The following DIS3L2 variants were observed in gnomAD, a reference collection of about 807,000 sequenced individuals.
The protein encoded by DIS3L2 is DIS3-like exonuclease 2.
In DIS3L2, 34 loss-of-function variants were observed where a neutral mutation model predicts 97.5. The observed-to-expected ratio is 0.35, with a 90% CI of 0.27 to 0.46. DIS3L2 has a LOEUF of 0.46. Among genes scored for constraint, DIS3L2 ranks in the 20% least tolerant of loss-of-function variants. The pLI is 1.00. For missense variants in DIS3L2, 1,038 were observed against 1,146.0 expected, an observed-to-expected ratio of 0.91 and a Z score of 1.36; for synonymous variants, 435 against 445.2, an observed-to-expected ratio of 0.98 and a Z score of 0.29.
chr2:232,027,314 G>A (rs1160503770), intron 4 of DIS3L2, among the ~76,000 whole-genome samples: 1 of 152,046 alleles, frequency 6.6e-6, no homozygotes, highest in Non-Finnish European at 1.5e-5. Context: ...AAAATGTATG[G>A]GATGAAAAAT....
At chr2:232,156,434 A>G (rs3116179) in intron 8 of DIS3L2, among the ~76,000 whole-genome samples, 118,754 of 151,798 alleles carry the variant, frequency 0.78, 46,993 homozygotes, top group African/African-American at 0.89. Context: ...ATGCTTATAG[A>G]GATTGTTTTG....
At position 232,024,273 on chromosome 2, in the gene DIS3L2, A is replaced by G; in HGVS notation, c.211-4A>G. On this transcript the variant is annotated splice_polypyrimidine_tract_variant and splice_region_variant and intron_variant, in intron 3 of 20. Coordinates refer to ENST00000325385, the MANE Select transcript of DIS3L2 (RefSeq NM_152383.5). Reference sequence around the variant, plus strand: ...TTTCACAAACTTTATTTTTTGTTTTAAAGGGTGTATTGAGAATTAATCCAA... The same window carrying G: ...TTTCACAAACTTTATTTTTTGTTTTGAAGGGTGTATTGAGAATTAATCCAA... 1 of 1,587,866 alleles carries G rather than the reference A, an allele frequency of 6.3e-7. No homozygotes were observed. The highest frequency in any genetic ancestry group is 8.6e-7 in the Non-Finnish European group (1 of 1,167,982).
At chr2:232,128,654 C>T (rs965260956) in intron 6 of DIS3L2, among the ~76,000 whole-genome samples, 3 of 151,838 alleles carry the variant, frequency 2.0e-5, no homozygotes, top group African/African-American at 2.4e-5. Context: ...AGAGTTTCGC[C>T]GTGTTGCCCA....
Position 232,086,663 on chromosome 2 carries a change from G to GCACA in DIS3L2, c.367-824_367-823insCACA, listed in dbSNP as rs1559613655. The stretch of plus-strand genomic sequence containing the variant: ...TATATATGTATATATATATATATGT[G>GCACA]TGTGTGTGTGTGTGTATATATATAT... On this transcript the variant is annotated intron_variant, in intron 5 of 20. Transcript: ENST00000325385. 1.6e-3 allele frequency among the ~76,000 whole-genome samples: 52 copies of GCACA among 32,608 alleles called. 1 individual carries two copies. Among genetic ancestry groups the GCACA allele is most frequent in the Admixed American group, 2.7e-3 (8 of 2,914 alleles). The allele number at this position is 32,608 out of a possible 152,430, so 21.4% of individuals were successfully genotyped here. A position where few individuals can be genotyped will look rare whatever the true frequency, so the allele number is the denominator to read the frequency against.
chr2:231,997,980 A>T (rs1182599798), intron 1 of DIS3L2, among the ~76,000 whole-genome samples: 2 of 152,150 alleles, frequency 1.3e-5, no homozygotes, highest in Admixed American at 6.5e-5. Flanking sequence ...AGTGGCATAG[A>T]GTTGTCACGT....
At chr2:232,086,175 A>T (rs774407011) in intron 5 of DIS3L2, among the ~76,000 whole-genome samples, 6 of 147,652 alleles carry the variant, frequency 4.1e-5, no homozygotes, top group Non-Finnish European at 8.9e-5. Flanking sequence ...ATACGTATAT[A>T]CGTATATATA....
At chr2:231,967,303 G>A (rs1286339350) in intron 1 of DIS3L2, among the ~76,000 whole-genome samples, 1 of 152,088 alleles carries the variant, frequency 6.6e-6, no homozygotes, top group Non-Finnish European at 1.5e-5. Context: ...TTCCTTTTTG[G>A]TCCTCCTCTA....
chr2:232,051,811 CAAAAAAAAAA>C (rs58851349), intron 5 of DIS3L2, among the ~76,000 whole-genome samples: 6 of 37,060 alleles, frequency 1.6e-4, no homozygotes, highest in Admixed American at 9.3e-4. Flanking sequence ...GACTCCGTCT[CAAAAAAAAAA>C]AAAAAAAAAA....
chr2:232,292,804 C>T lies in DIS3L2; in HGVS notation c.1660-7236C>T, dbSNP rs888710148. Among the ~76,000 whole-genome samples, 1 of 152,182 alleles carries T rather than the reference C, an allele frequency of 6.6e-6. No homozygotes were observed. The highest frequency in any genetic ancestry group is 2.1e-4 in the South Asian group (1 of 4,820). On this transcript the variant is annotated intron_variant, in intron 13 of 20. Transcript: ENST00000325385. The surrounding 1 kb of genome is among the most constrained non-coding windows in gnomAD (Gnocchi z 4.4). ...CTAACTGAACCCTTTTGAAGGCTTC[C>T]GCCCTCTGCTGGTGGAAGCTGACAG...
rs149007471 is a variant in DIS3L2, at chr2:232,242,790, A to T, written c.1317+4145A>T. ...ATCACTATCCCTTTTCTCCACGGCC[A>T]GCTCTTAAGCTCTGCCCTGACTCAA... On this transcript the variant is annotated intron_variant, in intron 11 of 20. Coordinates refer to ENST00000325385, the MANE Select transcript of DIS3L2 (RefSeq NM_152383.5). 2.1e-3 allele frequency among the ~76,000 whole-genome samples: 326 copies of T among 152,334 alleles called. 3 individuals are homozygous for T. Among genetic ancestry groups the T allele is most frequent in the Non-Finnish European group, 2.8e-4 (19 of 68,022 alleles).
rs548743125 is a variant in DIS3L2 at position 232,166,931 on chromosome 2, G to A, written c.1124+3299G>A. ...AGCTACTTGGGAGGCCAAGGCAGGG[G>A]AATTGCTTGAACCCAGGAGGCAGAG... On this transcript the variant is annotated intron_variant, in intron 9 of 20. Transcript: ENST00000325385. Among the ~76,000 whole-genome samples the A allele has an allele frequency of 4.6e-5, 7 of 151,920 alleles. No homozygotes were observed. The South Asian group carries it at 1.5e-3, about 32-fold the overall frequency.
At chr2:231,994,821 T>C (rs2010321) in intron 1 of DIS3L2, among the ~76,000 whole-genome samples, 20,800 of 150,084 alleles carry the variant, frequency 0.14, 1,861 homozygotes, top group South Asian at 0.34. Flanking sequence ...TTTTCTTTTT[T>C]TTTTTTTTTG....
At chr2:232,333,775 C>CCG in intron 16 of DIS3L2, 65 bp from the exon 17 acceptor site, 2 of 1,458,172 alleles carry the variant, frequency 1.4e-6, no homozygotes, top group Non-Finnish European at 1.8e-6. Flanking sequence ...GTGGGTGGTG[C>CCG]CAGCCTTCCA....
intron 15 of DIS3L2, 150 bp from the exon 16 acceptor site, chr2:232,330,540 C>A: frequency 1.2e-6 from 1 of 819,152 alleles, no homozygotes; most frequent in Non-Finnish European, 2.0e-6. Context: ...GCTGCCCCCT[C>A]TCCCCACCCA....
At chr2:232,318,203 G>C (rs77872248) in intron 14 of DIS3L2, among the ~76,000 whole-genome samples, 79 of 152,356 alleles carry the variant, frequency 5.2e-4, no homozygotes, top group African/African-American at 1.8e-3. Flanking sequence ...TAACTTGCAA[G>C]AATCTTCAGG....
At chr2:232,334,022 G>A in intron 17 of DIS3L2, 35 bp downstream of exon 17, 1 of 1,586,710 alleles carries the variant, frequency 6.3e-7, no homozygotes, top group East Asian at 2.2e-5. Flanking sequence ...GCAGACCTGG[G>A]CCAGCTCAGG....
intron 1 of DIS3L2, among the ~76,000 whole-genome samples, chr2:232,005,350 G>T (rs1469339967): frequency 6.6e-6 from 1 of 151,966 alleles, no homozygotes; most frequent in Non-Finnish European, 1.5e-5. Flanking sequence ...TGTCTACATG[G>T]CTAAGGGGTC....
intron 12 of DIS3L2, 32 bp from the exon 13 acceptor site, chr2:232,263,175 A>G (rs144450028): frequency 2.5e-6 from 4 of 1,605,934 alleles, no homozygotes; most frequent in African/African-American, 2.7e-5. Flanking sequence ...ATTTGTCCTC[A>G]CAATTCCCTT....
chr2:232,056,390 C>T (rs1695551085), intron 5 of DIS3L2, among the ~76,000 whole-genome samples: 1 of 151,514 alleles, frequency 6.6e-6, no homozygotes, highest in Non-Finnish European at 1.5e-5. Context: ...ACAACAACAA[C>T]AACAACAAAC....
Sources: gnomAD v4.1 joint callset for allele counts (sites outside exome capture counted in the v4.1 genomes callset) on GRCh38, gnomAD v4.1.1 for gene constraint, Gnocchi (gnomAD v3.1) non-coding constraint, MANE v1.5 for transcripts, NCBI Gene and HGNC (gene_info 2026-07-23, HGNC 2026-07-21) for gene names.